The following RAD51B variants were observed in gnomAD, a reference collection of about 807,000 sequenced individuals.
RAD51B encodes RAD51 paralog B.
A neutral mutation model predicts 42.2 loss-of-function variants in RAD51B; 38 were observed. The observed-to-expected ratio is 0.90, with a 90% CI of 0.70 to 1.18. The LOEUF is 1.18. Ranked by LOEUF, RAD51B falls within the 50% of genes most tolerant of loss-of-function variation. The probability of loss-of-function intolerance (pLI) is 0.00; values close to 1 mark genes in which losing one functional copy is unlikely to be tolerated. For missense variants in RAD51B, 373 were observed against 400.7 expected (o/e 0.93, Z 0.59); for synonymous variants, 154 against 145.2 (o/e 1.06, Z -0.43).
intron 10 of RAD51B, chr14:68,540,539 TC>T: frequency 2.0e-6 from 2 of 985,376 alleles, no homozygotes; most frequent in Non-Finnish European, 2.4e-6. Flanking sequence ...ACTAGTGGGA[TC>T]ATCAAACAAT....
chr14:68,435,980 G>C (rs1282792202), intron 9 of RAD51B, among the ~76,000 whole-genome samples: 1 of 152,124 alleles, frequency 6.6e-6, no homozygotes, highest in African/African-American at 2.4e-5. Context: ...TAGGTTGTCT[G>C]TTTACTCTGT....
intron 10 of RAD51B, among the ~76,000 whole-genome samples, chr14:68,475,671 T>C (rs1882515040): frequency 6.6e-6 from 1 of 152,038 alleles, no homozygotes; most frequent in African/African-American, 2.4e-5. Context: ...TTCCAAAATG[T>C]TTTTTCCTAC....
intron 8 of RAD51B, among the ~76,000 whole-genome samples, chr14:68,315,104 CA>C (rs1264924960): frequency 2.0e-5 from 3 of 152,312 alleles, no homozygotes; most frequent in East Asian, 3.9e-4. Flanking sequence ...GTTCACAGTA[CA>C]GACTGAGCTC....
intron 7 of RAD51B, among the ~76,000 whole-genome samples, chr14:68,164,597 C>T (rs955173535): frequency 3.9e-5 from 6 of 152,132 alleles, no homozygotes; most frequent in Admixed American, 2.0e-4. Flanking sequence ...GGGAACCAGC[C>T]ATGTTTTGGT....
chr14:68,529,608 A>G (rs1229435982), intron 10 of RAD51B, among the ~76,000 whole-genome samples: 1 of 152,222 alleles, frequency 6.6e-6, no homozygotes, highest in East Asian at 1.9e-4. Context: ...CACTAACACC[A>G]TAGCTGGGAA....
At chr14:67,873,982 A>G (rs1331228289) in intron 5 of RAD51B, among the ~76,000 whole-genome samples, 1 of 151,046 alleles carries the variant, frequency 6.6e-6, no homozygotes, top group Non-Finnish European at 1.5e-5. Context: ...AGATATACCT[A>G]ATGCTAGATG....
At chr14:68,631,607 T>C (rs1892229132) in intron 10 of RAD51B, among the ~76,000 whole-genome samples, 1 of 151,984 alleles carries the variant, frequency 6.6e-6, no homozygotes, top group South Asian at 2.1e-4. Context: ...ATTTAGGGAG[T>C]TAAAAGCAAA....
At chr14:68,322,294 C>T (rs1470027170) in intron 8 of RAD51B, among the ~76,000 whole-genome samples, 1 of 152,204 alleles carries the variant, frequency 6.6e-6, no homozygotes, top group Non-Finnish European at 1.5e-5. Flanking sequence ...CATAATTTCA[C>T]TCAAGGATTT....
chr14:68,201,955 A>C (rs1021348879), intron 7 of RAD51B, among the ~76,000 whole-genome samples: 1 of 152,178 alleles, frequency 6.6e-6, no homozygotes, highest in African/African-American at 2.4e-5. Context: ...TATCTTGGAG[A>C]TATTGAGGGA....
At chr14:68,434,333 C>T (rs779140528) in intron 9 of RAD51B, among the ~76,000 whole-genome samples, 1 of 152,112 alleles carries the variant, frequency 6.6e-6, no homozygotes, top group Non-Finnish European at 1.5e-5. Flanking sequence ...TATGTCCTGC[C>T]CCCCAGAGGT....
intron 8 of RAD51B, among the ~76,000 whole-genome samples, chr14:68,321,937 C>T (rs1039654195): frequency 6.6e-6 from 1 of 151,918 alleles, no homozygotes; most frequent in Admixed American, 6.6e-5. Context: ...CCACACCTGG[C>T]TAATTTTTGT....
chr14:68,281,133 A>G (rs1289164906), intron 7 of RAD51B, among the ~76,000 whole-genome samples: 1 of 152,182 alleles, frequency 6.6e-6, no homozygotes, highest in Non-Finnish European at 1.5e-5. Flanking sequence ...AGTTAGGGCT[A>G]GAATAGTTAG....
intron 7 of RAD51B, among the ~76,000 whole-genome samples, chr14:68,238,704 C>T (rs2080320086): frequency 6.6e-6 from 1 of 152,184 alleles, no homozygotes; most frequent in Non-Finnish European, 1.5e-5. Flanking sequence ...AAAACCAGAC[C>T]ATATAATGTA....
chr14:68,292,616 T>C (rs1243393070), intron 8 of RAD51B, among the ~76,000 whole-genome samples: 1 of 152,176 alleles, frequency 6.6e-6, no homozygotes, highest in Non-Finnish European at 1.5e-5. Flanking sequence ...TAGTCTAGTA[T>C]CTTTCATGCA....
intron 8 of RAD51B, among the ~76,000 whole-genome samples, chr14:68,331,965 A>G (rs1484189976): frequency 2.0e-5 from 3 of 152,186 alleles, no homozygotes; most frequent in Non-Finnish European, 4.4e-5. Context: ...GCATTTTCCA[A>G]TTGAATTATG....
intron 8 of RAD51B, among the ~76,000 whole-genome samples, chr14:68,335,493 T>G (rs1168116387): frequency 6.6e-6 from 1 of 152,164 alleles, no homozygotes; most frequent in Non-Finnish European, 1.5e-5. Context: ...CAGTCTTTCC[T>G]CTATGATACT....
intron 8 of RAD51B, among the ~76,000 whole-genome samples, chr14:68,332,533 G>A (rs990350925): frequency 6.6e-6 from 1 of 152,122 alleles, no homozygotes; most frequent in African/African-American, 2.4e-5. Flanking sequence ...GAAAGTTTGG[G>A]ACAGCACCAT....
chr14:68,175,383 G>T (rs1350777350), intron 7 of RAD51B, among the ~76,000 whole-genome samples: 1 of 152,150 alleles, frequency 6.6e-6, no homozygotes, highest in Non-Finnish European at 1.5e-5. Context: ...TTTATTCATT[G>T]TAGGCAGGTT....
chr14:67,997,586 A>C (rs1310118629), intron 7 of RAD51B, among the ~76,000 whole-genome samples: 2 of 152,150 alleles, frequency 1.3e-5, no homozygotes, highest in African/African-American at 2.4e-5. Context: ...AAATGAACAC[A>C]GATGGTTTTC....
Sources: allele counts gnomAD v4.1 joint callset (sites outside exome capture counted in the v4.1 genomes callset), GRCh38; gene constraint gnomAD v4.1.1; transcripts MANE v1.5; gene names NCBI Gene and HGNC (gene_info 2026-07-23, HGNC 2026-07-21).